The following LRRC56 variants were observed in gnomAD, a reference collection of about 807,000 sequenced individuals.
LRRC56 encodes leucine rich repeat containing 56.
In LRRC56, 41 loss-of-function variants were observed where a neutral mutation model predicts 47.8. The observed-to-expected ratio is 0.86, with a 90% CI of 0.67 to 1.11. The LOEUF (loss-of-function observed/expected upper bound fraction) is 1.11. Among genes scored for constraint, LRRC56 ranks in the 50% most tolerant of loss-of-function variants. The pLI is 0.00. For missense variants in LRRC56, 759 were observed against 704.2 expected, an observed-to-expected ratio of 1.08 and a Z score of -0.88; for synonymous variants, 387 against 311.2, an observed-to-expected ratio of 1.24 and a Z score of -2.56.
chr11:523,172 G>A, the LRRC56 span, among the ~76,000 whole-genome samples: 5 of 152,066 alleles, frequency 3.3e-5, no homozygotes, highest in African/African-American at 7.2e-5. Flanking sequence ...GGGATTACAG[G>A]CACGCACCAC....
chr11:546,430 T>A (rs989822718), intron 6 of LRRC56, among the ~76,000 whole-genome samples: 1 of 151,464 alleles, frequency 6.6e-6, no homozygotes, highest in African/African-American at 2.4e-5. Flanking sequence ...TAGCCGGGCG[T>A]GGTGGTGGGC....
At chr11:532,575 G>C, upstream of LRRC56, 1 of 1,577,422 alleles carries the variant, frequency 6.3e-7, no homozygotes, top group Non-Finnish European at 8.6e-7. Flanking sequence ...ACCGGCAGGG[G>C]CGGGGAGCCG....
At chr11:518,748 C>T in the LRRC56 span, among the ~76,000 whole-genome samples, 1 of 152,192 alleles carries the variant, frequency 6.6e-6, no homozygotes. Context: ...CGCCCAGGAG[C>T]CGGCCCCGGG....
intron 6 of LRRC56, among the ~76,000 whole-genome samples, chr11:547,306 G>A (rs1564802800): frequency 7.1e-6 from 1 of 141,706 alleles, no homozygotes; most frequent in South Asian, 2.3e-4. Flanking sequence ...TTCTAATGGA[G>A]ATGGCTGTAC....
chr11:507,384 A>C, the LRRC56 span: 1 of 142,850 alleles, frequency 7.0e-6, no homozygotes, highest in East Asian at 2.1e-4. Flanking sequence ...GTCTTGGCGC[A>C]GCGGCGGGGC....
At chr11:506,806 C>G in the LRRC56 span, 8 of 152,280 alleles carry the variant, frequency 5.3e-5, 1 homozygote, top group East Asian at 1.3e-3. Context: ...TGAGGACGAA[C>G]CACGCAGGCG....
chr11:540,967 G>A, intron 4 of LRRC56, 106 bp downstream of exon 4: 1 of 979,008 alleles, frequency 1.0e-6, no homozygotes, highest in Non-Finnish European at 1.5e-6. Flanking sequence ...CCCTCCTGCT[G>A]GTCTTGCCTG....
chr11:538,730 C>T lies in LRRC56; in HGVS notation c.-289C>T, dbSNP rs1465878905. The T allele has an allele frequency of 6.6e-6, 1 of 152,286 alleles. No homozygotes were observed. Among genetic ancestry groups the T allele is most frequent in the Non-Finnish European group, 1.5e-5 (1 of 68,072 alleles). The allele number at this position is 152,286 out of a possible 1,614,324, so 9.4% of individuals were successfully genotyped here. A position where few individuals can be genotyped will look rare whatever the true frequency, so the allele number is the denominator to read the frequency against. On this transcript the variant is annotated 5_prime_UTR_variant, in exon 2 of 14. Coordinates refer to ENST00000270115, the MANE Select transcript of LRRC56 (RefSeq NM_198075.4). ...GTGGCTACATGTGCATCTGCCTGTT[C>T]ACGGATTCCTTCGACAAATATTTGA...
At chr11:514,532 T>C in the LRRC56 span, among the ~76,000 whole-genome samples, 1 of 152,094 alleles carries the variant, frequency 6.6e-6, no homozygotes, top group Non-Finnish European at 1.5e-5. Flanking sequence ...TCTGCCCACT[T>C]GACCTCCCAA....
In LRRC56 at chr11:552,484, A is replaced by C. The variant is rs527828578; in HGVS notation, c.1182-85A>C. The C allele has an allele frequency of 8.1e-4, 1,063 of 1,313,774 alleles. 2 individuals carry two copies. Among genetic ancestry groups the C allele is most frequent in the Non-Finnish European group, 1.0e-3 (994 of 946,874 alleles). The allele number at this position is 1,313,774 out of a possible 1,614,324, so 81.4% of individuals were successfully genotyped here. ...GGGCTACCTTGGCTGAGTCATCCCC[A>C]GTCCCAAGGCTCATGGACCATCCCT... is the stretch of plus-strand genomic sequence containing the variant. On this transcript the variant is annotated intron_variant, in intron 12 of 13. Transcript: ENST00000270115.
the LRRC56 span, among the ~76,000 whole-genome samples, chr11:518,635 TA>T: frequency 2.0e-5 from 3 of 152,134 alleles, no homozygotes; most frequent in African/African-American, 7.2e-5. Context: ...CTGTTCACTT[TA>T]TTACTTGGAG....
the LRRC56 span, among the ~76,000 whole-genome samples, chr11:523,973 A>G: frequency 6.6e-6 from 1 of 152,166 alleles, no homozygotes; most frequent in African/African-American, 2.4e-5. Context: ...CAAGATCTGA[A>G]GAAAAAAATT....
rs775139825 is a variant in LRRC56, at chr11:552,588, C to T, written c.1201C>T (p.Pro401Ser). 8.0e-5 allele frequency: 128 copies of T among 1,607,016 alleles called. 1 individual carries two copies. In the South Asian group the frequency reaches 1.3e-3, roughly 17 times the overall value. Reference protein sequence around the residue: ...HGVRPLPYRHPESQQEGAVAP... With the variant: ...HGVRPLPYRHSESQQEGAVAP... ...CCCTAGCCCCCTCCCCTATAGGCACCCGGAGTCCCAACAGGAAGGGGCTGT... is the reference window on the plus strand; with the variant it reads ...CCCTAGCCCCCTCCCCTATAGGCACTCGGAGTCCCAACAGGAAGGGGCTGT... The change falls in exon 13 of 14, where the codon CCG (proline) becomes TCG (serine). Residue 401 changes from proline (P) to serine (S), a missense_variant. By Grantham distance (74) the Pro-to-Ser change is moderately conservative (BLOSUM62 -1). Transcript: ENST00000270115.
At chr11:513,127 C>A in the LRRC56 span, among the ~76,000 whole-genome samples, 1 of 152,342 alleles carries the variant, frequency 6.6e-6, no homozygotes, top group African/African-American at 2.4e-5. Flanking sequence ...GTAACCCTGC[C>A]GCTTCAAGCT....
At position 552,673 on chromosome 11, in the gene LRRC56, C is replaced by G. The variant is rs199696122; in HGVS notation, c.1286C>G (p.Thr429Ser). Reference protein sequence around the residue: ...EEQVHQAEPKTPSSPPSLASE... With the variant: ...EEQVHQAEPKSPSSPPSLASE... ...CAAGTGCACCAGGCAGAGCCCAAGA[C>G]TCCCTCCAGCCCCCCAAGCCTGGCC... The change falls in exon 13 of 14, where the codon ACT (threonine) becomes AGT (serine). Residue 429 changes from threonine to serine, a missense_variant. By Grantham distance (58) the Thr-to-Ser change is moderately conservative. Coordinates refer to ENST00000270115, the MANE Select transcript of LRRC56 (RefSeq NM_198075.4). 4.5e-5 allele frequency: 72 copies of G among 1,610,440 alleles called. No homozygotes were observed. In the East Asian group the frequency reaches 1.6e-3, roughly 35 times the overall value.
At chr11:523,826 G>A in the LRRC56 span, among the ~76,000 whole-genome samples, 1 of 152,106 alleles carries the variant, frequency 6.6e-6, no homozygotes, top group Non-Finnish European at 1.5e-5. Flanking sequence ...TACTCAGGAG[G>A]CTAAGGCAGA....
At chr11:509,797 T>C in the LRRC56 span, among the ~76,000 whole-genome samples, 4 of 150,822 alleles carry the variant, frequency 2.7e-5, no homozygotes, top group Admixed American at 2.7e-4. Flanking sequence ...GCTCCTGACC[T>C]TGTGATTCGC....
the LRRC56 span, chr11:532,498 G>T: frequency 4.2e-6 from 5 of 1,187,540 alleles, no homozygotes; most frequent in Admixed American, 2.1e-5. Context: ...TCCTGCATCC[G>T]GCACCTCCAT....
At chr11:532,371 C>T in the LRRC56 span, 1 of 578,482 alleles carries the variant, frequency 1.7e-6, no homozygotes, top group South Asian at 2.0e-5. Context: ...TGCACAGCCT[C>T]CCTGGGAGGG....
Sources: gnomAD v4.1 joint callset for allele counts (sites outside exome capture counted in the v4.1 genomes callset) on GRCh38, gnomAD v4.1.1 for gene constraint, MANE v1.5 for transcripts, NCBI Gene and HGNC (gene_info 2026-07-23, HGNC 2026-07-21) for gene names.